CSTPP1: variants seen among roughly 807,000 people sequenced by gnomAD.
CSTPP1 encodes the protein UPF0705 protein C11orf49.
At chr11:46,995,589 G>A in the CSTPP1 span, among the ~76,000 whole-genome samples, 1 of 149,526 alleles carries the variant, frequency 6.7e-6, no homozygotes. Context: ...GATTGGTTTT[G>A]AGAGAGTTTC....
the CSTPP1 span, among the ~76,000 whole-genome samples, chr11:47,153,790 G>A: frequency 4.3e-4 from 65 of 152,252 alleles, no homozygotes; most frequent in Admixed American, 7.2e-4. Flanking sequence ...CAAAGGGAGT[G>A]GCACCACAAT....
chr11:47,110,857 C>G, the CSTPP1 span, among the ~76,000 whole-genome samples: 4 of 151,394 alleles, frequency 2.6e-5, no homozygotes, highest in African/African-American at 9.7e-5. Context: ...CCTGATCCAC[C>G]CAGCGTGAGA....
chr11:47,083,797 C>T, the CSTPP1 span, among the ~76,000 whole-genome samples: 2 of 152,200 alleles, frequency 1.3e-5, no homozygotes, highest in East Asian at 3.8e-4. Flanking sequence ...TTCCTTTTTA[C>T]TGCTATGTAG....
the CSTPP1 span, among the ~76,000 whole-genome samples, chr11:47,102,728 G>A: frequency 6.6e-6 from 1 of 152,200 alleles, no homozygotes; most frequent in Non-Finnish European, 1.5e-5. Flanking sequence ...ACATTGTCAG[G>A]TCGAAACAGC....
At chr11:47,057,380 A>G in the CSTPP1 span, among the ~76,000 whole-genome samples, 1 of 152,200 alleles carries the variant, frequency 6.6e-6, no homozygotes, top group Admixed American at 6.5e-5. Context: ...AATTTTCAAT[A>G]TATACATATA....
the CSTPP1 span, among the ~76,000 whole-genome samples, chr11:46,946,475 G>A: frequency 6.6e-6 from 1 of 152,156 alleles, no homozygotes; most frequent in South Asian, 2.1e-4. Context: ...TGGCTAACAC[G>A]GTGAAACCCT....
the CSTPP1 span, among the ~76,000 whole-genome samples, chr11:47,069,300 A>G: frequency 1.3e-5 from 2 of 152,196 alleles, no homozygotes; most frequent in African/African-American, 2.4e-5. Flanking sequence ...TCTGGTTGTC[A>G]GTCAAATGTT....
chr11:47,057,839 C>T, the CSTPP1 span, among the ~76,000 whole-genome samples: 1 of 152,172 alleles, frequency 6.6e-6, no homozygotes, highest in South Asian at 2.1e-4. Flanking sequence ...ATAATTCAAA[C>T]TTCTACCAGC....
At chr11:47,150,686 G>A in the CSTPP1 span, among the ~76,000 whole-genome samples, 1 of 151,362 alleles carries the variant, frequency 6.6e-6, no homozygotes, top group East Asian at 1.9e-4. Flanking sequence ...ATGGGTAGAA[G>A]GGACAGGGAG....
chr11:46,987,980 A>T, the CSTPP1 span: 1 of 152,274 alleles, frequency 6.6e-6, no homozygotes, highest in Non-Finnish European at 1.5e-5. Flanking sequence ...ATCATTGATC[A>T]TCAGAGAAAT....
At chr11:47,157,478 T>C in the CSTPP1 span, among the ~76,000 whole-genome samples, 1 of 152,076 alleles carries the variant, frequency 6.6e-6, no homozygotes, top group East Asian at 1.9e-4. Flanking sequence ...GCCTTAACAT[T>C]TTAGAGAGAA....
the CSTPP1 span, among the ~76,000 whole-genome samples, chr11:47,053,756 A>G: frequency 6.7e-6 from 1 of 149,846 alleles, no homozygotes; most frequent in East Asian, 2.0e-4. Flanking sequence ...AACCTGGACA[A>G]CATACTGAGA....
the CSTPP1 span, among the ~76,000 whole-genome samples, chr11:47,061,310 C>T: frequency 6.6e-6 from 1 of 152,280 alleles, no homozygotes; most frequent in South Asian, 2.1e-4. Context: ...CAGGGAATTG[C>T]AGTGGGTCTA....
the CSTPP1 span, among the ~76,000 whole-genome samples, chr11:46,980,026 C>T: frequency 1.3e-5 from 2 of 152,092 alleles, no homozygotes; most frequent in South Asian, 4.1e-4. Context: ...AGGATTTAAG[C>T]ACTTACCCTT....
chr11:47,003,771 A>G, the CSTPP1 span, among the ~76,000 whole-genome samples: 1 of 152,202 alleles, frequency 6.6e-6, no homozygotes, highest in Non-Finnish European at 1.5e-5. Context: ...ACAATGAGAG[A>G]TGTTTGGGAA....
chr11:47,045,829 C>T, the CSTPP1 span, among the ~76,000 whole-genome samples: 1 of 151,870 alleles, frequency 6.6e-6, no homozygotes, highest in African/African-American at 2.4e-5. Flanking sequence ...CTCTGATGCC[C>T]AGGCTGGAGT....
the CSTPP1 span, chr11:47,161,227 G>A: frequency 6.2e-7 from 1 of 1,613,964 alleles, no homozygotes. Flanking sequence ...CCCCTTGTGG[G>A]GGCCAGACGG....
At chr11:47,017,238 A>G in the CSTPP1 span, among the ~76,000 whole-genome samples, 830 of 145,398 alleles carry the variant, frequency 5.7e-3, 10 homozygotes, top group African/African-American at 0.02. Context: ...GCAGTGGCGC[A>G]ATCTTGGCTC....
At chr11:47,093,236 G>A in the CSTPP1 span, among the ~76,000 whole-genome samples, 2 of 152,132 alleles carry the variant, frequency 1.3e-5, no homozygotes, top group Non-Finnish European at 2.9e-5. Flanking sequence ...ACCTAAGTTG[G>A]TCAAGATTAA....
Sources: gnomAD v4.1 joint callset for allele counts (sites outside exome capture counted in the v4.1 genomes callset) on GRCh38, gnomAD v4.1.1 for gene constraint, MANE v1.5 for transcripts, NCBI Gene and HGNC (gene_info 2026-07-23, HGNC 2026-07-21) for gene names.